LRRC4C: variants seen among roughly 807,000 people sequenced by gnomAD.
LRRC4C encodes the protein leucine rich repeat containing 4C, also known as leucine-rich repeat-containing protein 4C.
LRRC4C carries 5 observed loss-of-function variants against 33.6 expected under a neutral mutation model. The observed-to-expected ratio is 0.15, with a 90% CI of 0.08 to 0.31. The LOEUF is 0.31. LRRC4C is among the 10% of genes least tolerant of loss of function. The pLI, the probability that LRRC4C is intolerant of heterozygous loss-of-function variation, is 1.00. For missense variants in LRRC4C, 560 were observed against 796.7 expected (o/e 0.70, Z 3.58); for synonymous variants, 329 against 302.0 (o/e 1.09, Z -0.93).
intron 3 of LRRC4C, among the ~76,000 whole-genome samples, chr11:40,526,722 C>T (rs541819809): frequency 9.1e-4 from 138 of 151,908 alleles, no homozygotes; most frequent in African/African-American, 3.3e-3. Context: ...GTATGGTCAC[C>T]AAAAGACATG....
At chr11:40,348,088 C>CA (rs1013763001) in intron 3 of LRRC4C, among the ~76,000 whole-genome samples, 2 of 151,822 alleles carry the variant, frequency 1.3e-5, no homozygotes, top group African/African-American at 4.8e-5. Flanking sequence ...TCACGGTACC[C>CA]AAAAACAATT....
chr11:41,281,080 T>TCTCTCTCTCTCTCTCTCTGTC (rs1949657798), intron 1 of LRRC4C, among the ~76,000 whole-genome samples: 1 of 104,502 alleles, frequency 9.6e-6, no homozygotes, highest in African/African-American at 4.5e-5. Context: ...CTCTCTGTCC[T>TCTCTCTCTCTCTCTCTCTGTC]CTCTCTCTCT....
chr11:40,484,025 C>T (rs1033814352), intron 3 of LRRC4C, among the ~76,000 whole-genome samples: 4 of 152,012 alleles, frequency 2.6e-5, no homozygotes, highest in Non-Finnish European at 4.4e-5. Context: ...ATATACCATG[C>T]CACATCTATC....
intron 3 of LRRC4C, among the ~76,000 whole-genome samples, chr11:40,432,017 C>T (rs2137862960): frequency 6.6e-6 from 1 of 152,326 alleles, no homozygotes; most frequent in Middle Eastern, 3.4e-3. Context: ...AAGACAGAGA[C>T]TGGTGTTTGA....
At chr11:40,676,496 G>A (rs961163407) in intron 2 of LRRC4C, among the ~76,000 whole-genome samples, 2 of 152,116 alleles carry the variant, frequency 1.3e-5, no homozygotes, top group African/African-American at 4.8e-5. Flanking sequence ...ATTGGAAAGG[G>A]TGTTTTATTC....
intron 1 of LRRC4C, among the ~76,000 whole-genome samples, chr11:40,998,704 A>G (rs892663463): frequency 3.3e-5 from 5 of 152,084 alleles, no homozygotes; most frequent in African/African-American, 4.8e-5. Flanking sequence ...TTTGGACAAC[A>G]GTTTTGCTCC....
chr11:40,976,834 G>A (rs766661149), intron 1 of LRRC4C, among the ~76,000 whole-genome samples: 4 of 152,092 alleles, frequency 2.6e-5, no homozygotes, highest in Non-Finnish European at 5.9e-5. Context: ...CCAATTTCAT[G>A]GAAGGCAATT....
Position 41,435,351 on chromosome 11 carries a change from A to T in LRRC4C, c.-496+24080T>A, listed in dbSNP as rs530389201. 9.2e-5 allele frequency among the ~76,000 whole-genome samples: 14 copies of T among 152,328 alleles called. No individual in the cohort carries two copies. The South Asian group carries it at 2.3e-3, about 25-fold the overall frequency. On this transcript the variant is annotated intron_variant, in intron 1 of 6. Transcript: ENST00000528697. ...CATCAGTACAGATGAAAAATAATTG[A>T]TAGATACAAATCAGGAATGCAATCC...
chr11:40,211,198 A>G (rs1863581958), intron 5 of LRRC4C, among the ~76,000 whole-genome samples: 1 of 152,170 alleles, frequency 6.6e-6, no homozygotes, highest in South Asian at 2.1e-4. Flanking sequence ...ATCTTTCCCC[A>G]TCAATATGTA....
intron 1 of LRRC4C, among the ~76,000 whole-genome samples, chr11:41,237,201 G>C (rs763865034): frequency 4.6e-5 from 7 of 152,158 alleles, no homozygotes; most frequent in Non-Finnish European, 1.0e-4. Context: ...AAATGATTTT[G>C]ATCTGGATTA....
intron 2 of LRRC4C, among the ~76,000 whole-genome samples, chr11:40,802,526 A>G (rs1951081353): frequency 6.6e-6 from 1 of 151,704 alleles, no homozygotes; most frequent in African/African-American, 2.4e-5. Context: ...AAAGATAAGG[A>G]AGAGGAGGAT....
chr11:41,062,824 A>G (rs1184050771), intron 1 of LRRC4C, among the ~76,000 whole-genome samples: 1 of 152,118 alleles, frequency 6.6e-6, no homozygotes, highest in Non-Finnish European at 1.5e-5. Flanking sequence ...AGATACAGAT[A>G]CACACACACA....
At chr11:40,239,823 C>T (rs1293180079) in intron 5 of LRRC4C, among the ~76,000 whole-genome samples, 1 of 152,220 alleles carries the variant, frequency 6.6e-6, no homozygotes, top group Non-Finnish European at 1.5e-5. Flanking sequence ...CTGGATGATA[C>T]TGCCTTGGCA....
intron 1 of LRRC4C, among the ~76,000 whole-genome samples, chr11:40,960,720 A>G (rs940945197): frequency 1.4e-4 from 22 of 151,898 alleles, no homozygotes; most frequent in African/African-American, 5.1e-4. Flanking sequence ...TGTCTACAAA[A>G]TGTTGAGAAA....
chr11:41,199,077 C>A (rs73485504), intron 1 of LRRC4C, among the ~76,000 whole-genome samples: 204 of 152,194 alleles, frequency 1.3e-3, no homozygotes, highest in African/African-American at 4.7e-3. Flanking sequence ...GATTTTATAG[C>A]AGTGTAAAAG....
intron 2 of LRRC4C, among the ~76,000 whole-genome samples, chr11:40,901,232 C>T (rs1027953673): frequency 6.6e-6 from 1 of 152,206 alleles, no homozygotes; most frequent in Non-Finnish European, 1.5e-5. Flanking sequence ...GACACATGCA[C>T]TGTCTATGTC....
chr11:41,044,556 A>G (rs355219), intron 1 of LRRC4C, among the ~76,000 whole-genome samples: 101,331 of 151,976 alleles, frequency 0.67, 33,982 homozygotes, highest in South Asian at 0.8. Context: ...ACTGCCATCA[A>G]GGAACTTACA....
At chr11:40,612,785 CTT>C (rs982499378) in intron 3 of LRRC4C, among the ~76,000 whole-genome samples, 7 of 151,804 alleles carry the variant, frequency 4.6e-5, no homozygotes, top group Non-Finnish European at 1.0e-4. Flanking sequence ...CTGAAATAAA[CTT>C]AATACAGGCA....
chr11:41,178,116 CCA>C (rs1238666439), intron 1 of LRRC4C, among the ~76,000 whole-genome samples: 1 of 152,178 alleles, frequency 6.6e-6, no homozygotes, highest in African/African-American at 2.4e-5. Flanking sequence ...AAACCAGTTA[CCA>C]TATGTTGGCC....
Sources: gnomAD v4.1 joint callset for allele counts (sites outside exome capture counted in the v4.1 genomes callset) on GRCh38, gnomAD v4.1.1 for gene constraint, MANE v1.5 for transcripts, NCBI Gene and HGNC (gene_info 2026-07-23, HGNC 2026-07-21) for gene names.